ASB9: variants seen among roughly 807,000 people sequenced by gnomAD.
ASB9 encodes the protein ankyrin repeat and SOCS box containing 9, also known as ankyrin repeat and SOCS box protein 9.
ASB9 carries 5 observed loss-of-function variants against 16.6 expected under a neutral mutation model. That is an observed-to-expected ratio of 0.30 (90% CI 0.16 to 0.63). The LOEUF is 0.63. Among genes scored for constraint, ASB9 ranks in the 30% least tolerant of loss-of-function variants. The pLI, the probability that ASB9 is intolerant of heterozygous loss-of-function variation, is 0.82. For synonymous variants in ASB9, 100 were observed against 86.4 expected, an observed-to-expected ratio of 1.16 and a Z score of -0.87; for missense variants, 216 against 229.4, an observed-to-expected ratio of 0.94 and a Z score of 0.38.
At chrX:15,265,047 A>G (rs772360086) in intron 1 of ASB9, among the ~76,000 whole-genome samples, 26 of 111,970 alleles carry the variant, frequency 2.3e-4, no homozygotes, top group African/African-American at 6.2e-4. Context: ...TCTCTGTCCA[A>G]CTTACTGGTC....
chrX:15,256,474 T>C (rs1435796899), intron 2 of ASB9, among the ~76,000 whole-genome samples: 2 of 105,840 alleles, frequency 1.9e-5, no homozygotes, highest in Non-Finnish European at 3.9e-5. Context: ...GGTCCTTTAC[T>C]GAAAAAAATT....
chrX:15,263,061 C>G (rs1459023519), intron 1 of ASB9, among the ~76,000 whole-genome samples: 1 of 112,208 alleles, frequency 8.9e-6, no homozygotes, highest in Non-Finnish European at 1.9e-5. Flanking sequence ...GCTGCCATTT[C>G]ATTTTTATTG....
At chrX:15,251,845 T>C (rs1925141458) in intron 4 of ASB9, among the ~76,000 whole-genome samples, 1 of 112,795 alleles carries the variant, frequency 8.9e-6, no homozygotes, top group African/African-American at 3.2e-5. Context: ...TATAATTTGT[T>C]TTATGAAATA....
Position 15,248,984 on chromosome X carries a change from C to T in ASB9, c.569-49G>A, listed in dbSNP as rs1924889414. 7 of 1,075,765 alleles carry T rather than the reference C, an allele frequency of 6.5e-6. No homozygotes were observed. The African/African-American group carries it at 7.5e-5, about 11-fold the overall frequency. 88.7% of individuals were successfully genotyped at this position (1,075,765 alleles called of 1,213,427 possible). On this transcript the variant is annotated intron_variant, in intron 5 of 6. Coordinates refer to ENST00000380488, the MANE Select transcript of ASB9 (RefSeq NM_001031739.3). ...AGAGTCAGCAAGGAGCAGAATCCAA[C>T]CATCGGGGCTTTTCAAAGCCCCGAG...
chrX:15,265,965 G>A (rs777940580), intron 1 of ASB9, among the ~76,000 whole-genome samples: 12 of 109,543 alleles, frequency 1.1e-4, no homozygotes, highest in Non-Finnish European at 1.9e-4. Context: ...CACCATGCCC[G>A]GCTAATTTTG....
intron 6 of ASB9, among the ~76,000 whole-genome samples, chrX:15,247,204 C>T (rs543517556): frequency 6.0e-4 from 67 of 111,644 alleles, no homozygotes; most frequent in South Asian, 1.5e-3. Flanking sequence ...GGCTCCGAGC[C>T]CTCTGAGAGG....
In ASB9 at chrX:15,256,884, C is replaced by G. The variant is rs567552342; in HGVS notation, c.174+1982G>C. Among the ~76,000 whole-genome samples the G allele has an allele frequency of 1.4e-3, 149 of 109,923 alleles. 1 individual carries two copies. Among genetic ancestry groups the G allele is most frequent in the African/African-American group, 4.7e-3 (141 of 30,191 alleles). On this transcript the variant is annotated intron_variant, in intron 2 of 6. Coordinates refer to ENST00000380488, the MANE Select transcript of ASB9 (RefSeq NM_001031739.3). The stretch of plus-strand genomic sequence containing the variant: ...CTATTCATACCTAAGACTTAAATGT[C>G]CAATTGGCAGGAGAAAATATCTTAT...
chrX:15,248,089 G>A (rs763465254), intron 6 of ASB9, among the ~76,000 whole-genome samples: 1 of 112,023 alleles, frequency 8.9e-6, no homozygotes, highest in Non-Finnish European at 1.9e-5. Context: ...CTGCCTCTGA[G>A]CCCATGAAGA....
chrX:15,254,878 C>A (rs1369292570), intron 2 of ASB9, 34 bp from the exon 3 acceptor site: 1 of 1,112,786 alleles, frequency 9.0e-7, no homozygotes, highest in African/African-American at 1.8e-5. Context: ...GTAAGGGGTG[C>A]AAAGCAACAG....
chrX:15,254,277 T>C (rs547166035), intron 3 of ASB9, among the ~76,000 whole-genome samples: 1 of 112,339 alleles, frequency 8.9e-6, no homozygotes, highest in Middle Eastern at 4.6e-3. Context: ...GCCCATAATT[T>C]TCCCCAACCC....
In ASB9 at chrX:15,244,527, T is replaced by C. The variant is rs754805342; in HGVS notation, c.864A>G (p.Lys288=). The change falls in exon 7 of 7, where the codon AAA becomes AAG. Residue 288 remains lysine, a synonymous_variant. Transcript: ENST00000380488. ...ITKLVLPEDL[K]QFLLHL ...GCATTTAAAGATGTAGGAGAAACTG[T>C]TTCAGATCCTCTGGGAGGACGAGTT... 4 of 1,194,959 alleles carry C rather than the reference T, an allele frequency of 3.3e-6. No individual in the cohort carries two copies. The Admixed American group carries it at 8.8e-5, about 26-fold the overall frequency.
In ASB9 at chrX:15,265,225, T is replaced by C. The variant is rs369670813; in HGVS notation, c.94+4556A>G. On this transcript the variant is annotated intron_variant, in intron 1 of 6. Coordinates refer to ENST00000380488, the MANE Select transcript of ASB9 (RefSeq NM_001031739.3). ...TGATCGTTCCTAAGTCTCAGTCCCA[T>C]GTCATCATACTGTGCACTGGGCATC... Among the ~76,000 whole-genome samples, 258 of 111,634 alleles carry C rather than the reference T, an allele frequency of 2.3e-3. 1 individual carries two copies. Among genetic ancestry groups the C allele is most frequent in the Non-Finnish European group, 4.4e-3 (236 of 53,138 alleles).
At chrX:15,244,691 TTAAA>T in intron 6 of ASB9, 61 bp from the exon 7 acceptor site, 1 of 986,348 alleles carries the variant, frequency 1.0e-6, no homozygotes, top group Non-Finnish European at 1.3e-6. Flanking sequence ...CTCCTTTTTT[TTAAA>T]AAAAAAAAGC....
At chrX:15,244,703 AGC>A (rs1924518242) in intron 6 of ASB9, 73 bp from the exon 7 acceptor site, 1 of 1,017,836 alleles carries the variant, frequency 9.8e-7, no homozygotes, top group Non-Finnish European at 1.3e-6. Flanking sequence ...AAAAAAAAAA[AGC>A]ATCCAAGATA....
chrX:15,256,797 A>C (rs1370096732), intron 2 of ASB9, among the ~76,000 whole-genome samples: 1 of 107,544 alleles, frequency 9.3e-6, no homozygotes, highest in African/African-American at 3.4e-5. Context: ...AAAAAAAAGA[A>C]AGAAAAAAAT....
At position 15,244,541 on chromosome X, in the gene ASB9, G is replaced by C; in HGVS notation, c.850C>G (p.Pro284Ala). The C allele has an allele frequency of 8.4e-7, 1 of 1,196,731 alleles. No individual in the cohort carries two copies. The highest frequency in any genetic ancestry group is 1.1e-6 in the Non-Finnish European group (1 of 882,382). The change falls in exon 7 of 7, where the codon CCA becomes GCA. Residue 284 changes from proline (P) to alanine (A), a missense_variant. By Grantham distance (27) the Pro-to-Ala change is conservative. Transcript: ENST00000380488. The part of the protein sequence containing the change: ...QHHKITKLVL[P>A]EDLKQFLLHL ...AGGAGAAACTGTTTCAGATCCTCTG[G>C]GAGGACGAGTTTGGTTATCTTATGA...
chrX:15,253,276 T>A, intron 3 of ASB9, among the ~76,000 whole-genome samples: 1 of 107,371 alleles, frequency 9.3e-6, no homozygotes, highest in Non-Finnish European at 1.9e-5. Flanking sequence ...GTCAATGGAC[T>A]GCTGAAATAT....
intron 5 of ASB9, 96 bp downstream of exon 5, chrX:15,250,334 C>T: frequency 1.0e-6 from 1 of 995,818 alleles, no homozygotes; most frequent in Non-Finnish European, 1.4e-6. Context: ...ACTCCATTGC[C>T]CACACTAATT....
chrX:15,269,421 C>G lies in ASB9; in HGVS notation c.94+360G>C, dbSNP rs780859732. On this transcript the variant is annotated intron_variant, in intron 1 of 6. Coordinates refer to ENST00000380488, the MANE Select transcript of ASB9 (RefSeq NM_001031739.3). ...CCTGCCCCACCTAAATGCCAAACAC[C>G]TAAGACTTACAAATTAAAAAGTTTT... 8.9e-5 allele frequency among the ~76,000 whole-genome samples: 10 copies of G among 111,850 alleles called. No homozygotes were observed. In the South Asian group the frequency reaches 3.7e-3, roughly 42 times the overall value.
Sources: allele counts gnomAD v4.1 joint callset (sites outside exome capture counted in the v4.1 genomes callset), GRCh38; gene constraint gnomAD v4.1.1; transcripts MANE v1.5; gene names NCBI Gene and HGNC (gene_info 2026-07-23, HGNC 2026-07-21).